Variants in COLQ observed in about 807,000 individuals in gnomAD.
The protein encoded by COLQ is collagen like tail subunit of asymmetric acetylcholinesterase.
Under a neutral mutation model 69.0 loss-of-function variants are expected in COLQ, and 48 were observed. The observed-to-expected ratio is 0.70, with a 90% CI of 0.55 to 0.88. COLQ has a LOEUF of 0.88. Among genes scored for constraint, COLQ ranks in the 40% least tolerant of loss-of-function variants. The probability of loss-of-function intolerance (pLI) is 0.00; values close to 1 mark genes in which losing one functional copy is unlikely to be tolerated. For missense variants in COLQ, 618 were observed against 594.6 expected (o/e 1.04, Z -0.41); for synonymous variants, 217 against 211.2 (o/e 1.03, Z -0.24).
rs752410020 is a variant in COLQ at position 15,456,465 on chromosome 3, T to C, written c.1069A>G (p.Ile357Val). 14 of 1,614,064 alleles carry C rather than the reference T, an allele frequency of 8.7e-6. No individual in the cohort carries two copies. The highest frequency in any genetic ancestry group is 1.2e-5 in the Non-Finnish European group (14 of 1,179,998). The stretch of plus-strand genomic sequence containing the variant: ...AGGTAATGGCCTGGGGGTACCTGGA[T>C]GGGGAGCCAGCCAAGGCTGTCCTTG... The part of the protein sequence containing the change: ...YFKDSLGWLP[I>V]QLTPFYPVDY... The change falls in exon 14 of 17, where the codon ATC becomes GTC. Residue 357 changes from isoleucine to valine, a missense_variant. Coordinates refer to ENST00000383788, the MANE Select transcript of COLQ (RefSeq NM_005677.4).
chr3:15,461,555 T>C (rs898450626), intron 12 of COLQ, among the ~76,000 whole-genome samples: 1 of 152,066 alleles, frequency 6.6e-6, no homozygotes, highest in East Asian at 1.9e-4. Context: ...CCCGCTTCCA[T>C]TGGCTGCCTC....
intron 3 of COLQ, among the ~76,000 whole-genome samples, chr3:15,485,925 G>A (rs1417108275): frequency 6.6e-6 from 1 of 152,162 alleles, no homozygotes; most frequent in Non-Finnish European, 1.5e-5. Flanking sequence ...TCAAGCCACT[G>A]CACTCTAACC....
At chr3:15,452,518 C>A (rs1280558907) in intron 16 of COLQ, among the ~76,000 whole-genome samples, 3 of 152,200 alleles carry the variant, frequency 2.0e-5, no homozygotes, top group African/African-American at 7.2e-5. Context: ...GGCACAGTCA[C>A]AGGCGTCCCT....
intron 5 of COLQ, among the ~76,000 whole-genome samples, chr3:15,478,109 C>T (rs111460637): frequency 1.6e-4 from 25 of 152,290 alleles, no homozygotes; most frequent in African/African-American, 5.3e-4. Context: ...ACATCCATGG[C>T]GACATCACTA....
chr3:15,458,191 G>C lies in COLQ; in HGVS notation c.949C>G (p.Pro317Ala), dbSNP rs1064797292. The change falls in exon 13 of 17, where the codon CCT (proline) becomes GCT (alanine). Residue 317 changes from proline (P) to alanine (A), a missense_variant. Physicochemically the swap from Pro to Ala is conservative, Grantham distance 27 (BLOSUM62 -1). Transcript: ENST00000383788. ...SVYGPSSPRVPVIFVVNNQEE... is the reference protein window; with the variant it reads ...SVYGPSSPRVAVIFVVNNQEE... Reference sequence around the variant, plus strand: ...CTTCTCCCAGAAAGCCTTACCACAGGAACTCGCGGGGAACTGGGCCCATAC... The same window carrying C: ...CTTCTCCCAGAAAGCCTTACCACAGCAACTCGCGGGGAACTGGGCCCATAC... 2 of 1,613,592 alleles carry C rather than the reference G, an allele frequency of 1.2e-6. No individual in the cohort carries two copies. Among genetic ancestry groups the C allele is most frequent in the South Asian group, 2.2e-5 (2 of 91,048 alleles).
chr3:15,478,344 A>G, intron 5 of COLQ, among the ~76,000 whole-genome samples: 1 of 152,218 alleles, frequency 6.6e-6, no homozygotes, highest in East Asian at 1.9e-4. Flanking sequence ...ATAGTAATTT[A>G]TATTTAGAGC....
chr3:15,510,328 G>C (rs2062968085), intron 1 of COLQ, among the ~76,000 whole-genome samples: 1 of 152,096 alleles, frequency 6.6e-6, no homozygotes, highest in African/African-American at 2.4e-5. Context: ...AAGCTCTGTA[G>C]GTATTAGCTC....
intron 1 of COLQ, among the ~76,000 whole-genome samples, chr3:15,514,205 GT>G (rs539505300): frequency 1.3e-5 from 2 of 152,150 alleles, no homozygotes; most frequent in Non-Finnish European, 2.9e-5. Flanking sequence ...GATGTGTGCT[GT>G]TTTAAGCCAC....
intron 12 of COLQ, among the ~76,000 whole-genome samples, chr3:15,459,449 A>AT (rs1378441339): frequency 6.7e-6 from 1 of 150,018 alleles, no homozygotes; most frequent in Non-Finnish European, 1.5e-5. Flanking sequence ...ATTAAAAAAA[A>AT]TTTTTTTACC....
At chr3:15,497,322 G>A (rs2062760280) in intron 1 of COLQ, among the ~76,000 whole-genome samples, 1 of 152,114 alleles carries the variant, frequency 6.6e-6, no homozygotes, top group Admixed American at 6.5e-5. Flanking sequence ...GGGATTACAG[G>A]CATGAGCCAC....
chr3:15,510,070 GGAGGCT>G (rs1210217838), intron 1 of COLQ, among the ~76,000 whole-genome samples: 5 of 152,144 alleles, frequency 3.3e-5, no homozygotes, highest in African/African-American at 1.2e-4. Flanking sequence ...CAGCTACTCG[GGAGGCT>G]GAGGCAGGAG....
intron 9 of COLQ, 44 bp from the exon 10 acceptor site, chr3:15,474,079 C>T (rs759180951): frequency 6.2e-7 from 1 of 1,613,240 alleles, no homozygotes; most frequent in African/African-American, 1.3e-5. Context: ...TCTGAAATAA[C>T]ACCTGAAATG....
chr3:15,494,592 T>C (rs2062718464), intron 1 of COLQ, among the ~76,000 whole-genome samples: 1 of 152,074 alleles, frequency 6.6e-6, no homozygotes, highest in Admixed American at 6.5e-5. Context: ...CTCAGAGGCC[T>C]TCTGCTTGTA....
intron 1 of COLQ, among the ~76,000 whole-genome samples, chr3:15,512,914 G>A (rs2063006563): frequency 1.3e-5 from 2 of 152,230 alleles, no homozygotes; most frequent in African/African-American, 4.8e-5. Context: ...AACTCCAGCA[G>A]TGCGGCACCA....
intron 3 of COLQ, among the ~76,000 whole-genome samples, chr3:15,482,742 A>C (rs1409596858): frequency 1.3e-5 from 2 of 152,108 alleles, no homozygotes; most frequent in Non-Finnish European, 2.9e-5. Context: ...GTTAGGGAGG[A>C]TTCCCTCTTT....
At chr3:15,500,415 G>C (rs1290050038) in intron 1 of COLQ, among the ~76,000 whole-genome samples, 1 of 152,138 alleles carries the variant, frequency 6.6e-6, no homozygotes, top group African/African-American at 2.4e-5. Context: ...AGAGATGGAA[G>C]TTTTGCCACT....
chr3:15,496,026 AC>A (rs1246283368), intron 1 of COLQ, among the ~76,000 whole-genome samples: 2 of 152,080 alleles, frequency 1.3e-5, no homozygotes, highest in Non-Finnish European at 2.9e-5. Flanking sequence ...ATTTTTCCAG[AC>A]CATATATGGC....
At chr3:15,508,672 C>A (rs2062942564) in intron 1 of COLQ, among the ~76,000 whole-genome samples, 1 of 152,116 alleles carries the variant, frequency 6.6e-6, no homozygotes, top group South Asian at 2.1e-4. Context: ...AATTCACATC[C>A]CCTCCTAGGA....
At chr3:15,486,845 G>T (rs1255629144) in intron 3 of COLQ, among the ~76,000 whole-genome samples, 1 of 152,222 alleles carries the variant, frequency 6.6e-6, no homozygotes, top group Non-Finnish European at 1.5e-5. Flanking sequence ...ACCAAGGTTT[G>T]ATACAGGTTT....
Sources: gnomAD v4.1 joint callset for allele counts (sites outside exome capture counted in the v4.1 genomes callset) on GRCh38, gnomAD v4.1.1 for gene constraint, MANE v1.5 for transcripts, NCBI Gene and HGNC (gene_info 2026-07-23, HGNC 2026-07-21) for gene names.